Variants in IL27 observed in about 807,000 individuals in gnomAD.
The protein encoded by IL27 is interleukin-27 subunit alpha.
Under a neutral mutation model 27.0 loss-of-function variants are expected in IL27, and 11 were observed. The ratio of observed to expected loss-of-function variants is 0.41; its 90% CI spans 0.26 to 0.67. The LOEUF (loss-of-function observed/expected upper bound fraction) is 0.67. Ranked by LOEUF, IL27 falls within the 30% of genes least tolerant of loss-of-function variation. The pLI is 0.34. For missense variants in IL27, 299 were observed against 310.4 expected (o/e 0.96, Z 0.28); for synonymous variants, 134 against 140.6 (o/e 0.95, Z 0.33).
chr16:28,506,506 C>T (rs749129060), intron 1 of IL27, among the ~76,000 whole-genome samples: 4 of 152,128 alleles, frequency 2.6e-5, no homozygotes, highest in Non-Finnish European at 5.9e-5. Context: ...TCTGCCTAGA[C>T]CTGGTCCTTG....
At chr16:28,503,659 C>G (rs745366279) in intron 3 of IL27, 36 bp downstream of exon 3, 2 of 1,519,218 alleles carry the variant, frequency 1.3e-6, no homozygotes, top group Non-Finnish European at 1.8e-6. Context: ...CAGCCTATCA[C>G]AAGCTTCCCG....
chr16:28,506,670 G>T, intron 1 of IL27, 111 bp downstream of exon 1: 1 of 1,114,734 alleles, frequency 9.0e-7, no homozygotes. Context: ...CGAATCCTCA[G>T]TCTTGGCCAA....
rs2046448639 is a variant in IL27, at chr16:28,504,070, G to A, written c.32-20C>T. The A allele has an allele frequency of 6.4e-7, 1 of 1,571,944 alleles. No individual in the cohort carries two copies. ...TGAGCCCTGGAGAGATGGGAAGAGG[G>A]TGGCAAGACAGGGAGAGAGCTTGAG... On this transcript the variant is annotated intron_variant, in intron 1 of 4. Coordinates refer to ENST00000356897, the MANE Select transcript of IL27 (RefSeq NM_145659.3).
chr16:28,502,003 G>C lies in IL27; in HGVS notation c.435C>G (p.Arg145=). 6.2e-7 allele frequency: 1 copy of C among 1,609,872 alleles called. No homozygotes were observed. The highest frequency in any genetic ancestry group is 1.1e-5 in the South Asian group (1 of 91,022). The stretch of plus-strand genomic sequence containing the variant: ...GGAAGCGGAGGTGCCGCTGCAGATC[G>C]CGGAGGTCCAGCCTCATGGCCCACA... ...MQLWAMRLDL[R]DLQRHLRFQV... is the part of the protein sequence containing the mutation. Residue 145 remains arginine, a synonymous_variant, in exon 4 of 5, where the codon CGC becomes CGG. Coordinates refer to ENST00000356897, the MANE Select transcript of IL27 (RefSeq NM_145659.3).
At position 28,503,720 on chromosome 16, in the gene IL27, G is replaced by T. The variant is rs1356343746; in HGVS notation, c.278C>A (p.Thr93Asn). 1.9e-6 allele frequency: 3 copies of T among 1,613,102 alleles called. No individual in the cohort carries two copies. The highest frequency in any genetic ancestry group is 1.1e-5 in the South Asian group (1 of 90,976). ...AGAGAGGCGGCGCCAGGCCTGGAAGGTCAGGGAAACATCAGGGAGCTGCTC... is the reference window on the plus strand; with the variant it reads ...AGAGAGGCGGCGCCAGGCCTGGAAGTTCAGGGAAACATCAGGGAGCTGCTC... ...LGEQLPDVSLTFQAWRRLSDP... is the reference protein window; with the variant it reads ...LGEQLPDVSLNFQAWRRLSDP... The change falls in exon 3 of 5, where the codon ACC (threonine) becomes AAC (asparagine). Residue 93 changes from threonine to asparagine, a missense_variant. Thr to Asn is a moderately conservative substitution (Grantham distance 65, BLOSUM62 0). Transcript: ENST00000356897.
Position 28,506,831 on chromosome 16 carries a change from G to C in IL27, c.-20C>G. 1 of 1,610,776 alleles carries C rather than the reference G, an allele frequency of 6.2e-7. No homozygotes were observed. Reference sequence around the variant, plus strand: ...GCCCATGGCGGGGCCCAGCCTCTTTGGTCAGCCATCTCCTGGGTAGGGGGG... The same window carrying C: ...GCCCATGGCGGGGCCCAGCCTCTTTCGTCAGCCATCTCCTGGGTAGGGGGG... On this transcript the variant is annotated 5_prime_UTR_variant, in exon 1 of 5. Transcript: ENST00000356897.
At chr16:28,504,516 A>G (rs936426836) in intron 1 of IL27, among the ~76,000 whole-genome samples, 1 of 149,174 alleles carries the variant, frequency 6.7e-6, no homozygotes, top group Non-Finnish European at 1.5e-5. Flanking sequence ...CCCACGATGC[A>G]GCCAGCACGG....
chr16:28,503,941 G>C lies in IL27; in HGVS notation c.141C>G (p.Phe47Leu). 6.2e-7 allele frequency: 1 copy of C among 1,614,186 alleles called. No homozygotes were observed. Among genetic ancestry groups the C allele is most frequent in the Non-Finnish European group, 8.5e-7 (1 of 1,180,020 alleles). Residue 47 changes from phenylalanine (F) to leucine (L), a missense_variant, in exon 2 of 5, where the codon TTC becomes TTG. Physicochemically the swap from Phe to Leu is conservative, Grantham distance 22. Coordinates refer to ENST00000356897, the MANE Select transcript of IL27 (RefSeq NM_145659.3). ...QLSLQELRRE[F>L]TVSLHLARKL... ...TCCTGGCGAGATGCAGGCTGACTGT[G>C]AACTCCCTCCGCAGCTCCTGCAGGC...
At chr16:28,503,227 G>C (rs1405207212) in intron 3 of IL27, among the ~76,000 whole-genome samples, 3 of 152,154 alleles carry the variant, frequency 2.0e-5, no homozygotes, top group Admixed American at 6.6e-5. Flanking sequence ...CAACGTGCTG[G>C]GATTACAGGC....
intron 3 of IL27, among the ~76,000 whole-genome samples, chr16:28,502,701 A>G (rs1039972842): frequency 1.3e-5 from 2 of 151,168 alleles, no homozygotes; most frequent in Non-Finnish European, 2.9e-5. Flanking sequence ...TGCCACCTCC[A>G]CCCACCCTCC....
Position 28,502,045 on chromosome 16 carries a change from G to A in IL27, c.393C>T (p.Asn131=), listed in dbSNP as rs373473531. The A allele has an allele frequency of 4.3e-6, 7 of 1,613,508 alleles. No homozygotes were observed. The African/African-American group carries it at 8.0e-5, about 18-fold the overall frequency. Residue 131 remains asparagine, a synonymous_variant, in exon 4 of 5, where the codon AAC becomes AAT. Transcript: ENST00000356897. ...TGGCCCACAGCTGCATCCTCTCCAT[G>A]TTGGTCCAGCGGCCCTGGGTCCCCA... The part of the protein sequence containing the change: ...GGLGTQGRWT[N]MERMQLWAMR...
At chr16:28,502,400 A>G (rs1025756791) in intron 3 of IL27, among the ~76,000 whole-genome samples, 1 of 150,236 alleles carries the variant, frequency 6.7e-6, no homozygotes, top group Non-Finnish European at 1.5e-5. Context: ...TCCCTGAAGC[A>G]CTCTCCATCC....
chr16:28,503,968 C>T lies in IL27; in HGVS notation c.114G>A (p.Leu38=). The change falls in exon 2 of 5, where the codon CTG becomes CTA. Residue 38 remains leucine (L), a synonymous_variant. Coordinates refer to ENST00000356897, the MANE Select transcript of IL27 (RefSeq NM_145659.3). ...GFPRPPGRPQ[L]SLQELRREFT... ...ACTCCCTCCGCAGCTCCTGCAGGCT[C>T]AGCTGGGGCCTCCCTGGGGGCCTTG... is the stretch of plus-strand genomic sequence containing the variant. The T allele has an allele frequency of 6.2e-7, 1 of 1,614,126 alleles. No individual in the cohort carries two copies. Among genetic ancestry groups the T allele is most frequent in the Non-Finnish European group, 8.5e-7 (1 of 1,179,962 alleles).
Position 28,501,970 on chromosome 16 carries a change from C to T in IL27, c.462+6G>A. ...TCTGGGGTGGTGGAGGGTGGCCGGGCTCTACCTGGAAGCGGAGGTGCCGCT... is the reference window on the plus strand; with the variant it reads ...TCTGGGGTGGTGGAGGGTGGCCGGGTTCTACCTGGAAGCGGAGGTGCCGCT... On this transcript the variant is annotated splice_donor_region_variant and intron_variant, in intron 4 of 4. Transcript: ENST00000356897. The T allele has an allele frequency of 1.2e-6, 2 of 1,600,704 alleles. No individual in the cohort carries two copies. Among genetic ancestry groups the T allele is most frequent in the Non-Finnish European group, 1.7e-6 (2 of 1,175,798 alleles).
chr16:28,502,202 C>T, intron 3 of IL27, 68 bp from the exon 4 acceptor site: 1 of 1,439,428 alleles, frequency 6.9e-7, no homozygotes, highest in East Asian at 2.5e-5. Flanking sequence ...CCCACCCCCT[C>T]CCTATCCGGG....
chr16:28,506,245 T>C (rs2046460342), intron 1 of IL27, among the ~76,000 whole-genome samples: 1 of 152,170 alleles, frequency 6.6e-6, no homozygotes, highest in Non-Finnish European at 1.5e-5. Context: ...CTACCTGCCC[T>C]ACGTGGCATG....
chr16:28,502,014 G>A lies in IL27; in HGVS notation c.424C>T (p.Leu142=). The part of the protein sequence containing the change: ...MERMQLWAMR[L]DLRDLQRHLR... ...TGCCGCTGCAGATCGCGGAGGTCCAGCCTCATGGCCCACAGCTGCATCCTC... is the reference window on the plus strand; with the variant it reads ...TGCCGCTGCAGATCGCGGAGGTCCAACCTCATGGCCCACAGCTGCATCCTC... Residue 142 remains leucine (L), a synonymous_variant, in exon 4 of 5, where the codon CTG becomes TTG. Transcript: ENST00000356897. The A allele has an allele frequency of 6.2e-7, 1 of 1,611,808 alleles. No homozygotes were observed. The highest frequency in any genetic ancestry group is 1.1e-5 in the South Asian group (1 of 91,050).
intron 4 of IL27, among the ~76,000 whole-genome samples, chr16:28,501,565 A>C (rs1251526972): frequency 0.013 from 1,368 of 106,940 alleles, 18 homozygotes; most frequent in Middle Eastern, 0.027. Context: ...GCCCCCCCAC[A>C]CACACACTCA....
At chr16:28,506,033 A>G (rs1053842842) in intron 1 of IL27, among the ~76,000 whole-genome samples, 1 of 152,170 alleles carries the variant, frequency 6.6e-6, no homozygotes, top group African/African-American at 2.4e-5. Context: ...CTTAAGGCAG[A>G]GTGGGGTTCT....
Sources: allele counts gnomAD v4.1 joint callset (sites outside exome capture counted in the v4.1 genomes callset), GRCh38; gene constraint gnomAD v4.1.1; transcripts MANE v1.5; gene names NCBI Gene and HGNC (gene_info 2026-07-23, HGNC 2026-07-21).